The following RECQL5 variants were observed in gnomAD, a reference collection of about 807,000 sequenced individuals.
RECQL5 encodes the protein RecQ like helicase 5, also known as ATP-dependent DNA helicase Q5.
RECQL5 carries 88 observed loss-of-function variants against 103.4 expected under a neutral mutation model. That is an observed-to-expected ratio of 0.85 (90% confidence interval 0.72 to 1.02). The LOEUF (loss-of-function observed/expected upper bound fraction) is 1.02, where lower values mean the gene tolerates loss of function less well. Among genes scored for constraint, RECQL5 ranks in the 50% least tolerant of loss-of-function variants. The probability of loss-of-function intolerance (pLI) is 0.00; values close to 1 mark genes in which losing one functional copy is unlikely to be tolerated. For synonymous variants in RECQL5, 552 were observed against 507.9 expected (o/e 1.09, Z -1.17); for missense variants, 1,232 against 1,284.3 (o/e 0.96, Z 0.62).
chr17:75,647,463 C>A (rs950165030), intron 8 of RECQL5: 1 of 1,550,132 alleles, frequency 6.5e-7, no homozygotes, highest in East Asian at 2.4e-5. Context: ...CAGTGATTAT[C>A]TTATTCATCA....
intron 8 of RECQL5, among the ~76,000 whole-genome samples, chr17:75,644,662 GTA>G (rs1356673760): frequency 6.6e-6 from 1 of 151,944 alleles, no homozygotes. Context: ...TTGGCAGAGA[GTA>G]TATAAAAGTT....
chr17:75,631,738 T>C (rs820198), intron 8 of RECQL5, 70 bp from the exon 9 acceptor site: 1,523,296 of 1,525,930 alleles, frequency 1, 760,384 homozygotes, highest in Non-Finnish European at 1. Context: ...CACCCGAGCC[T>C]GAATCGCTAG....
chr17:75,653,718 G>A (rs531843952), intron 7 of RECQL5, among the ~76,000 whole-genome samples: 19 of 152,168 alleles, frequency 1.2e-4, no homozygotes, highest in African/African-American at 4.3e-4. Flanking sequence ...GGCCAATGTG[G>A]TGAAACCTGT....
chr17:75,647,238 T>C (rs2059499351), intron 8 of RECQL5: 3 of 687,506 alleles, frequency 4.4e-6, no homozygotes, highest in Non-Finnish European at 7.2e-6. Context: ...CCCTTTCATG[T>C]CCCCTGGCTG....
At chr17:75,666,361 G>A (rs947251386) in intron 2 of RECQL5, 67 bp downstream of exon 2, 6 of 1,561,730 alleles carry the variant, frequency 3.8e-6, no homozygotes, top group African/African-American at 2.7e-5. Context: ...TGAGGAGGAG[G>A]GTGTTCTGCC....
Position 75,629,844 on chromosome 17 carries a change from T to A in RECQL5, c.1813-2A>T. ...GGAGGCTCTGTGGATATCGGCCACC[T>A]GGGCAGGGATAGGCAGGGAGGCTGT... On this transcript the variant is annotated splice_acceptor_variant, in intron 14 of 19. Transcript: ENST00000317905. LOFTEE classifies it high-confidence loss of function. 1 of 1,599,174 alleles carries A rather than the reference T, an allele frequency of 6.3e-7. No individual in the cohort carries two copies. The highest frequency in any genetic ancestry group is 8.5e-7 in the Non-Finnish European group (1 of 1,171,514).
At chr17:75,663,574 A>G (rs2059727076) in intron 3 of RECQL5, among the ~76,000 whole-genome samples, 1 of 152,096 alleles carries the variant, frequency 6.6e-6, no homozygotes, top group African/African-American at 2.4e-5. Flanking sequence ...GGGATGCTCA[A>G]TCTCTATGGA....
At chr17:75,643,871 G>C (rs820204) in intron 8 of RECQL5, among the ~76,000 whole-genome samples, 54,737 of 152,148 alleles carry the variant, frequency 0.36, 10,057 homozygotes, top group East Asian at 0.54. Flanking sequence ...CCACAATCAT[G>C]TCGCCAGCCT....
intron 8 of RECQL5, among the ~76,000 whole-genome samples, chr17:75,642,789 G>A (rs1436883492): frequency 2.0e-5 from 3 of 152,248 alleles, no homozygotes; most frequent in African/African-American, 7.2e-5. Flanking sequence ...CCATTTTAGA[G>A]ATGAGGAAGC....
At chr17:75,639,962 C>A in intron 8 of RECQL5, 1 of 509,720 alleles carries the variant, frequency 2.0e-6, no homozygotes, top group Non-Finnish European at 3.4e-6. Flanking sequence ...GTCTCACTGT[C>A]CTCACCGGCT....
intron 19 of RECQL5, 42 bp downstream of exon 19, chr17:75,627,581 C>T (rs1270102648): frequency 3.7e-6 from 6 of 1,613,300 alleles, no homozygotes; most frequent in South Asian, 2.2e-5. Context: ...CTGTAGACCA[C>T]CCTCCCAAGT....
intron 6 of RECQL5, 121 bp downstream of exon 6, chr17:75,660,834 G>A (rs139951166): frequency 2.6e-6 from 2 of 761,968 alleles, no homozygotes; most frequent in African/African-American, 1.7e-5. Context: ...CTCTCTCCTG[G>A]AGCTTCCTTC....
chr17:75,658,816 G>C (rs901032460), intron 6 of RECQL5, among the ~76,000 whole-genome samples: 7 of 152,154 alleles, frequency 4.6e-5, no homozygotes, highest in African/African-American at 1.7e-4. Context: ...TTTGGAGAGG[G>C]AAAGGAATAA....
chr17:75,651,110 C>T, intron 8 of RECQL5, 76 bp downstream of exon 8: 4 of 1,612,200 alleles, frequency 2.5e-6, no homozygotes, highest in Non-Finnish European at 3.4e-6. Flanking sequence ...CTTATGTCAG[C>T]TGCTTAACTA....
At chr17:75,660,871 C>T in intron 6 of RECQL5, 84 bp downstream of exon 6, 1 of 980,600 alleles carries the variant, frequency 1.0e-6, no homozygotes, top group Non-Finnish European at 1.7e-6. Context: ...GGAGCACATG[C>T]ACCTGGTCCT....
chr17:75,646,357 C>A (rs1322358323), intron 8 of RECQL5: 1 of 152,448 alleles, frequency 6.6e-6, no homozygotes, highest in Non-Finnish European at 1.5e-5. Flanking sequence ...AGAGGACAGC[C>A]CAGCCCAGCC....
chr17:75,628,871 A>G, intron 16 of RECQL5, 63 bp downstream of exon 16: 1 of 1,586,042 alleles, frequency 6.3e-7, no homozygotes, highest in South Asian at 1.2e-5. Flanking sequence ...TCAGACGCCC[A>G]GTGAGCAAAG....
chr17:75,632,695 G>A (rs2059241088), intron 8 of RECQL5, among the ~76,000 whole-genome samples: 1 of 152,194 alleles, frequency 6.6e-6, no homozygotes, highest in Admixed American at 6.5e-5. Context: ...CCCTCTGCAT[G>A]GGGGTGGCTG....
At chr17:75,649,498 A>G in intron 8 of RECQL5, 1 of 339,734 alleles carries the variant, frequency 2.9e-6, no homozygotes, top group Non-Finnish European at 4.2e-6. Context: ...GCAGAAATGC[A>G]CCCACTTCTG....
Sources: allele counts gnomAD v4.1 joint callset (sites outside exome capture counted in the v4.1 genomes callset), GRCh38; gene constraint gnomAD v4.1.1; transcripts MANE v1.5; gene names NCBI Gene and HGNC (gene_info 2026-07-23, HGNC 2026-07-21).